Variants in KHDRBS2 observed in about 807,000 individuals in gnomAD.
KHDRBS2 encodes the protein KH domain-containing, RNA-binding, signal transduction-associated protein 2.
In KHDRBS2, 26 loss-of-function variants were observed where a neutral mutation model predicts 44.3. The ratio of observed to expected loss-of-function variants is 0.59; its 90% CI spans 0.43 to 0.81. The LOEUF (loss-of-function observed/expected upper bound fraction) is 0.81. Ranked by LOEUF, KHDRBS2 falls within the 40% of genes least tolerant of loss-of-function variation. KHDRBS2 has a pLI of 0.00. For missense variants in KHDRBS2, 476 were observed against 433.1 expected (o/e 1.10, Z -0.88); for synonymous variants, 194 against 151.1 (o/e 1.28, Z -2.08).
intron 6 of KHDRBS2, among the ~76,000 whole-genome samples, chr6:61,799,029 T>C (rs1383431575): frequency 6.6e-6 from 1 of 152,050 alleles, no homozygotes; most frequent in Admixed American, 6.6e-5. Context: ...GGTGAAAAAC[T>C]AGTCTGGACT....
chr6:61,643,549 T>G, the KHDRBS2 span, among the ~76,000 whole-genome samples: 2 of 152,022 alleles, frequency 1.3e-5, no homozygotes, highest in East Asian at 3.9e-4. Context: ...TAATTCTACC[T>G]CCAGAAAGCC....
At chr6:61,714,338 A>C (rs1360409229) in intron 7 of KHDRBS2, among the ~76,000 whole-genome samples, 1 of 151,990 alleles carries the variant, frequency 6.6e-6, no homozygotes, top group Middle Eastern at 3.2e-3. Context: ...AACCACAATA[A>C]GATACCATCT....
chr6:62,075,026 G>A (rs146102075), intron 2 of KHDRBS2, among the ~76,000 whole-genome samples: 2 of 151,984 alleles, frequency 1.3e-5, no homozygotes, highest in African/African-American at 4.8e-5. Flanking sequence ...GTGTGTACAC[G>A]TGAAATACAG....
At chr6:61,928,169 A>T (rs534277344) in intron 4 of KHDRBS2, among the ~76,000 whole-genome samples, 95 of 152,274 alleles carry the variant, frequency 6.2e-4, no homozygotes, top group African/African-American at 2.1e-3. Context: ...ACAGAAAACA[A>T]TGTGATTGTT....
chr6:62,068,804 A>T (rs1288801528), intron 2 of KHDRBS2, among the ~76,000 whole-genome samples: 3 of 151,612 alleles, frequency 2.0e-5, no homozygotes, highest in Non-Finnish European at 4.4e-5. Flanking sequence ...TCAATTGACC[A>T]CAGATTTATG....
At position 62,227,431 on chromosome 6, in the gene KHDRBS2, G is replaced by A. The variant is rs183230670; in HGVS notation, c.92-50119C>T. On this transcript the variant is annotated intron_variant, in intron 1 of 8. Coordinates refer to ENST00000281156, the MANE Select transcript of KHDRBS2 (RefSeq NM_152688.4). ...GCTTAAGGAGTTTTTGGGCTGAGACGATGGGGTTTTCTAAATATGTAATCA... is the reference window on the plus strand; with the variant it reads ...GCTTAAGGAGTTTTTGGGCTGAGACAATGGGGTTTTCTAAATATGTAATCA... Among the ~76,000 whole-genome samples, 20 of 152,226 alleles carry A rather than the reference G, an allele frequency of 1.3e-4. No individual in the cohort carries two copies. The East Asian group carries it at 1.4e-3, about 10-fold the overall frequency.
At chr6:61,563,665 C>T in the KHDRBS2 span, among the ~76,000 whole-genome samples, 151 of 152,132 alleles carry the variant, frequency 9.9e-4, no homozygotes, top group Non-Finnish European at 1.8e-3. Flanking sequence ...GCCCTTTTTA[C>T]CTCCTGAAAG....
the KHDRBS2 span, among the ~76,000 whole-genome samples, chr6:61,660,575 T>C: frequency 2.0e-5 from 3 of 151,820 alleles, no homozygotes; most frequent in South Asian, 6.2e-4. Context: ...AAATGTATCT[T>C]CCAAATCATC....
At position 61,917,657 on chromosome 6, in the gene KHDRBS2, T is replaced by C. The variant is rs183108591; in HGVS notation, c.484-16286A>G. 5.9e-5 allele frequency among the ~76,000 whole-genome samples: 9 copies of C among 152,052 alleles called. No homozygotes were observed. The East Asian group carries it at 1.6e-3, about 26-fold the overall frequency. ...ATGAACTTTGAGAGACAATGATGTG[T>C]CAATGTATTTCACTGATATTGTAAC... On this transcript the variant is annotated intron_variant, in intron 4 of 8. Transcript: ENST00000281156.
chr6:62,032,245 G>A (rs1018459928), intron 3 of KHDRBS2, among the ~76,000 whole-genome samples: 2 of 151,958 alleles, frequency 1.3e-5, no homozygotes, highest in African/African-American at 4.8e-5. Context: ...TTGAGTCAGT[G>A]GGGGGAAAGG....
At chr6:61,893,229 C>T (rs1802308851) in intron 6 of KHDRBS2, among the ~76,000 whole-genome samples, 1 of 152,168 alleles carries the variant, frequency 6.6e-6, no homozygotes, top group African/African-American at 2.4e-5. Context: ...GAATGGCAAT[C>T]ATTAAAAAGT....
intron 6 of KHDRBS2, among the ~76,000 whole-genome samples, chr6:61,823,584 A>T (rs1375575850): frequency 6.6e-6 from 1 of 152,114 alleles, no homozygotes. Context: ...CATGATACTC[A>T]TTATAACAAA....
intron 2 of KHDRBS2, among the ~76,000 whole-genome samples, chr6:62,132,304 C>T (rs187736145): frequency 2.0e-5 from 3 of 152,286 alleles, no homozygotes; most frequent in East Asian, 3.9e-4. Context: ...TAGGACACCA[C>T]TTGTTTTTTC....
chr6:62,109,658 A>G (rs1804532442), intron 2 of KHDRBS2, among the ~76,000 whole-genome samples: 1 of 151,934 alleles, frequency 6.6e-6, no homozygotes, highest in Admixed American at 6.6e-5. Context: ...CAATTAAAAT[A>G]CCAGTTACAA....
intron 1 of KHDRBS2, among the ~76,000 whole-genome samples, chr6:62,249,550 T>C (rs1348135634): frequency 6.6e-6 from 1 of 152,042 alleles, no homozygotes. Flanking sequence ...CAAACATTAA[T>C]TTTCTCTTCC....
At chr6:62,102,016 C>A (rs1481282568) in intron 2 of KHDRBS2, among the ~76,000 whole-genome samples, 1 of 152,130 alleles carries the variant, frequency 6.6e-6, no homozygotes, top group Non-Finnish European at 1.5e-5. Flanking sequence ...TAAATGTAAG[C>A]AAATACACTA....
At chr6:61,799,238 A>G (rs1209906654) in intron 6 of KHDRBS2, among the ~76,000 whole-genome samples, 2 of 152,040 alleles carry the variant, frequency 1.3e-5, no homozygotes, top group Non-Finnish European at 2.9e-5. Flanking sequence ...AAGCTACATA[A>G]GCGCCTTTTT....
chr6:61,939,143 T>A (rs1252238461), intron 4 of KHDRBS2, among the ~76,000 whole-genome samples: 1 of 152,168 alleles, frequency 6.6e-6, no homozygotes, highest in African/African-American at 2.4e-5. Flanking sequence ...TTATCTGGCC[T>A]GAAATGTTAA....
At chr6:62,246,513 G>A (rs551012560) in intron 1 of KHDRBS2, among the ~76,000 whole-genome samples, 1 of 152,100 alleles carries the variant, frequency 6.6e-6, no homozygotes, top group East Asian at 1.9e-4. Flanking sequence ...GCAGTGTACA[G>A]CTCACAAACT....
Sources: allele counts gnomAD v4.1 joint callset (sites outside exome capture counted in the v4.1 genomes callset), GRCh38; gene constraint gnomAD v4.1.1; transcripts MANE v1.5; gene names NCBI Gene and HGNC (gene_info 2026-07-23, HGNC 2026-07-21).